The following KIAA0825 variants were observed in gnomAD, a reference collection of about 807,000 sequenced individuals.
KIAA0825 encodes uncharacterized protein KIAA0825.
KIAA0825 carries 119 observed loss-of-function variants against 147.6 expected under a neutral mutation model. That is an observed-to-expected ratio of 0.81 (90% CI 0.69 to 0.94). The LOEUF is 0.94. Ranked by LOEUF, KIAA0825 falls within the 40% of genes least tolerant of loss-of-function variation. KIAA0825 has a pLI of 0.00. For synonymous variants in KIAA0825, 470 were observed against 518.1 expected (o/e 0.91, Z 1.26); for missense variants, 1,381 against 1,472.7 (o/e 0.94, Z 1.02).
At chr5:94,596,122 A>G (rs1477070540) in intron 1 of KIAA0825, among the ~76,000 whole-genome samples, 1 of 152,114 alleles carries the variant, frequency 6.6e-6, no homozygotes, top group East Asian at 1.9e-4. Flanking sequence ...AATTTTTGCA[A>G]TTGCTTTTGG....
intron 2 of KIAA0825, among the ~76,000 whole-genome samples, chr5:94,542,216 C>T (rs1773465781): frequency 6.6e-6 from 1 of 152,204 alleles, no homozygotes; most frequent in African/African-American, 2.4e-5. Flanking sequence ...TCATGGAGAG[C>T]TGAAATGTTC....
intron 20 of KIAA0825, among the ~76,000 whole-genome samples, chr5:94,329,890 A>G (rs1411729408): frequency 6.6e-6 from 1 of 151,818 alleles, no homozygotes; most frequent in Admixed American, 6.5e-5. Flanking sequence ...TTGATCACAC[A>G]GAGGTAAAGA....
chr5:94,426,467 C>A (rs530165952), intron 14 of KIAA0825, among the ~76,000 whole-genome samples: 5 of 152,070 alleles, frequency 3.3e-5, no homozygotes, highest in African/African-American at 1.2e-4. Flanking sequence ...AAGACAAATA[C>A]CATATGCTGT....
intron 3 of KIAA0825, among the ~76,000 whole-genome samples, chr5:94,529,190 A>G (rs1584787620): frequency 6.8e-6 from 1 of 147,316 alleles, no homozygotes; most frequent in East Asian, 1.9e-4. Context: ...TATATTATAT[A>G]TATGAAGTAG....
intron 5 of KIAA0825, among the ~76,000 whole-genome samples, chr5:94,504,782 T>G (rs1290844567): frequency 1.3e-5 from 2 of 150,450 alleles, no homozygotes; most frequent in Admixed American, 1.3e-4. Context: ...GAGTCTTGTT[T>G]TGTCACCCAG....
chr5:94,302,898 T>C (rs1366356613), intron 20 of KIAA0825, among the ~76,000 whole-genome samples: 2 of 152,112 alleles, frequency 1.3e-5, no homozygotes, highest in African/African-American at 2.4e-5. Context: ...TAAGTTACAA[T>C]TATTTTCAGA....
At chr5:94,572,932 A>T (rs1247437378) in intron 2 of KIAA0825, among the ~76,000 whole-genome samples, 1 of 152,170 alleles carries the variant, frequency 6.6e-6, no homozygotes, top group Non-Finnish European at 1.5e-5. Context: ...ATTTGAAGAG[A>T]TTTATTCTGA....
Position 94,221,107 on chromosome 5 carries a change from G to A in KIAA0825, c.3711-66983C>T, listed in dbSNP as rs1209840554. On this transcript the variant is annotated intron_variant, in intron 20 of 20. Coordinates refer to ENST00000682413, the MANE Select transcript of KIAA0825 (RefSeq NM_001145678.3). ...CTCTCTTCCGAGAGTATTAAGTGTT[G>A]CATTTCAGTTTCATCAAAAGAAGAT... Among the ~76,000 whole-genome samples the A allele has an allele frequency of 4.6e-5, 7 of 152,104 alleles. No individual in the cohort carries two copies. The South Asian group carries it at 1.5e-3, about 32-fold the overall frequency.
intron 2 of KIAA0825, chr5:94,567,982 C>G (rs1423732935): frequency 1.9e-5 from 3 of 159,684 alleles, no homozygotes; most frequent in African/African-American, 7.2e-5. Context: ...GCGCCACCAC[C>G]ACCCTGTTCG....
intron 20 of KIAA0825, among the ~76,000 whole-genome samples, chr5:94,321,257 T>C (rs1780169599): frequency 6.6e-6 from 1 of 152,000 alleles, no homozygotes. Context: ...CTTTGAGAGC[T>C]ACAAAATTGA....
intron 15 of KIAA0825, among the ~76,000 whole-genome samples, chr5:94,406,260 T>G (rs995501841): frequency 3.9e-5 from 6 of 152,154 alleles, no homozygotes; most frequent in African/African-American, 1.4e-4. Flanking sequence ...ATAAAAAGTG[T>G]TGGGGCACTT....
chr5:94,249,103 A>G (rs1239554895), intron 20 of KIAA0825, among the ~76,000 whole-genome samples: 3 of 152,100 alleles, frequency 2.0e-5, no homozygotes, highest in South Asian at 2.1e-4. Context: ...TTTAGCTGCA[A>G]TTATTATTTG....
At chr5:94,268,389 T>C (rs1163046553) in intron 20 of KIAA0825, among the ~76,000 whole-genome samples, 6 of 152,016 alleles carry the variant, frequency 3.9e-5, no homozygotes, top group Non-Finnish European at 7.4e-5. Context: ...AGCTGCTGCA[T>C]GGTGAAGTGG....
intron 20 of KIAA0825, among the ~76,000 whole-genome samples, chr5:94,236,601 C>T (rs1385116612): frequency 6.6e-6 from 1 of 152,162 alleles, no homozygotes; most frequent in Non-Finnish European, 1.5e-5. Flanking sequence ...AGAAGTTCTA[C>T]TGTGGGTAAA....
chr5:94,582,850 T>G (rs889352701), intron 1 of KIAA0825, among the ~76,000 whole-genome samples: 3 of 152,092 alleles, frequency 2.0e-5, no homozygotes, highest in African/African-American at 7.2e-5. Flanking sequence ...TTCCTTATAT[T>G]TTCACTAAAA....
intron 1 of KIAA0825, among the ~76,000 whole-genome samples, chr5:94,608,491 A>AT (rs1393256543): frequency 1.6e-4 from 2 of 12,158 alleles, no homozygotes; most frequent in African/African-American, 7.4e-4. Context: ...ATATATATAT[A>AT]ATTATATATA....
intron 20 of KIAA0825, among the ~76,000 whole-genome samples, chr5:94,177,955 G>T (rs772158417): frequency 2.3e-4 from 35 of 151,972 alleles, no homozygotes; most frequent in Non-Finnish European, 4.3e-4. Context: ...TCAAATGAAT[G>T]AATTAATAAA....
intron 14 of KIAA0825, among the ~76,000 whole-genome samples, chr5:94,438,078 T>A (rs1756603296): frequency 6.6e-6 from 1 of 152,190 alleles, no homozygotes; most frequent in Admixed American, 6.5e-5. Context: ...AGTGGACAGA[T>A]AACAATTCTT....
chr5:94,411,724 A>G (rs308202), intron 15 of KIAA0825, among the ~76,000 whole-genome samples: 63,505 of 151,982 alleles, frequency 0.42, 13,527 homozygotes, highest in Middle Eastern at 0.47. Context: ...TGAGGCAGGC[A>G]GATCATGAAT....
Sources: allele counts gnomAD v4.1 joint callset (sites outside exome capture counted in the v4.1 genomes callset), GRCh38; gene constraint gnomAD v4.1.1; transcripts MANE v1.5; gene names NCBI Gene and HGNC (gene_info 2026-07-23, HGNC 2026-07-21).